Variants in CCSER1 observed in about 807,000 individuals in gnomAD.
CCSER1 encodes coiled-coil serine rich protein 1.
Under a neutral mutation model 82.0 loss-of-function variants are expected in CCSER1, and 41 were observed. That is an observed-to-expected ratio of 0.50 (90% CI 0.39 to 0.65). CCSER1 has a LOEUF of 0.65. CCSER1 is among the 30% of genes least tolerant of loss of function. The probability of loss-of-function intolerance (pLI) is 0.00; values close to 1 mark genes in which losing one functional copy is unlikely to be tolerated. For synonymous variants in CCSER1, 414 were observed against 383.9 expected (o/e 1.08, Z -0.92); for missense variants, 1,119 against 1,064.2 (o/e 1.05, Z -0.72).
chr4:90,545,902 A>C (rs528992933), intron 5 of CCSER1, among the ~76,000 whole-genome samples: 2 of 152,284 alleles, frequency 1.3e-5, no homozygotes, highest in East Asian at 3.9e-4. Context: ...TTCAAAATAC[A>C]CATTATGCCT....
chr4:90,297,808 G>T (rs573303117), intron 1 of CCSER1, among the ~76,000 whole-genome samples: 3 of 151,844 alleles, frequency 2.0e-5, no homozygotes, highest in Admixed American at 2.0e-4. Context: ...ATTGATTTGC[G>T]TATATTGAAC....
intron 5 of CCSER1, among the ~76,000 whole-genome samples, chr4:90,545,229 G>T (rs578040147): frequency 1.2e-4 from 19 of 152,166 alleles, no homozygotes; most frequent in African/African-American, 4.3e-4. Context: ...CATTGGGAAG[G>T]TTTTTTACTT....
intron 6 of CCSER1, among the ~76,000 whole-genome samples, chr4:90,672,358 T>G (rs1732953288): frequency 6.6e-6 from 1 of 152,060 alleles, no homozygotes; most frequent in African/African-American, 2.4e-5. Context: ...TGTTATGGCT[T>G]CTTTCCTTAA....
At chr4:90,211,469 A>G (rs933097895) in intron 1 of CCSER1, among the ~76,000 whole-genome samples, 17 of 152,226 alleles carry the variant, frequency 1.1e-4, no homozygotes, top group Non-Finnish European at 1.8e-4. Context: ...ATATAGGAAA[A>G]GGAGCTACTG....
At chr4:91,006,521 G>C (rs187678731) in intron 9 of CCSER1, among the ~76,000 whole-genome samples, 1 of 146,392 alleles carries the variant, frequency 6.8e-6, no homozygotes, top group Non-Finnish European at 1.5e-5. Context: ...ACGGAGTCTC[G>C]CTCTGTCACC....
At chr4:90,689,958 T>C (rs1367242862) in intron 6 of CCSER1, among the ~76,000 whole-genome samples, 1 of 152,108 alleles carries the variant, frequency 6.6e-6, no homozygotes. Context: ...AGGACATCAG[T>C]ATGCAGGGCA....
chr4:91,012,768 T>TTCTC (rs1739111075), intron 9 of CCSER1, among the ~76,000 whole-genome samples: 1 of 96,208 alleles, frequency 1.0e-5, no homozygotes, highest in South Asian at 3.3e-4. Context: ...TGTTGGCTTA[T>TTCTC]TCTCTCGGGG....
intron 5 of CCSER1, among the ~76,000 whole-genome samples, chr4:90,545,925 C>T (rs1776696042): frequency 6.6e-6 from 1 of 152,056 alleles, no homozygotes; most frequent in Non-Finnish European, 1.5e-5. Flanking sequence ...AAGGCTGTAA[C>T]AAAATCCTGC....
chr4:91,340,805 AG>A (rs1747675484), intron 10 of CCSER1, among the ~76,000 whole-genome samples: 2 of 152,192 alleles, frequency 1.3e-5, no homozygotes, highest in Admixed American at 1.3e-4. Context: ...ATCAATTCAC[AG>A]TGGGCACCAC....
At chr4:90,630,847 A>G (rs1034430529) in intron 6 of CCSER1, among the ~76,000 whole-genome samples, 3 of 149,522 alleles carry the variant, frequency 2.0e-5, no homozygotes, top group African/African-American at 7.3e-5. Flanking sequence ...ATGATGCACA[A>G]TCGTTCAATC....
At chr4:91,073,989 A>G (rs1332906053) in intron 9 of CCSER1, among the ~76,000 whole-genome samples, 1 of 152,270 alleles carries the variant, frequency 6.6e-6, no homozygotes, top group East Asian at 1.9e-4. Context: ...TTCTGTCACT[A>G]ATATGATGCT....
At chr4:90,756,523 C>T (rs552669543) in intron 7 of CCSER1, among the ~76,000 whole-genome samples, 33 of 152,178 alleles carry the variant, frequency 2.2e-4, no homozygotes, top group African/African-American at 7.9e-4. Context: ...GTCTTAGTTT[C>T]TAAGCTCACT....
chr4:90,203,433 G>C (rs1469784842), intron 1 of CCSER1, among the ~76,000 whole-genome samples: 1 of 152,142 alleles, frequency 6.6e-6, no homozygotes, highest in African/African-American at 2.4e-5. Context: ...ACTTATGAGT[G>C]AGAACATGCA....
intron 6 of CCSER1, among the ~76,000 whole-genome samples, chr4:90,721,342 A>G (rs1742640299): frequency 6.6e-6 from 1 of 151,354 alleles, no homozygotes; most frequent in Non-Finnish European, 1.5e-5. Flanking sequence ...TTATGACAGG[A>G]ATGTCTATTG....
intron 10 of CCSER1, among the ~76,000 whole-genome samples, chr4:91,427,946 G>A (rs1176609551): frequency 1.3e-5 from 2 of 151,838 alleles, no homozygotes; most frequent in African/African-American, 4.8e-5. Flanking sequence ...CTTTTATTTA[G>A]CTCCTAATAC....
intron 8 of CCSER1, among the ~76,000 whole-genome samples, chr4:90,894,375 C>A (rs991728487): frequency 1.3e-5 from 2 of 151,934 alleles, no homozygotes; most frequent in African/African-American, 4.8e-5. Context: ...TGATACTATG[C>A]ACATACTTAT....
At position 91,051,420 on chromosome 4, in the gene CCSER1, T is replaced by A. The variant is rs966725555; in HGVS notation, c.2173-34530T>A. On this transcript the variant is annotated intron_variant, in intron 9 of 10. Transcript: ENST00000509176. ...TGGGGATGCTTGAAAAATTCATATA[T>A]TGCTGTTAGAAATGTGAGTTTTCAC... is the stretch of plus-strand genomic sequence containing the variant. Among the ~76,000 whole-genome samples, 62 of 152,140 alleles carry A rather than the reference T, an allele frequency of 4.1e-4. 1 individual carries two copies. Among genetic ancestry groups the A allele is most frequent in the African/African-American group, 1.4e-3 (60 of 41,462 alleles).
chr4:90,347,347 A>G (rs1742550532), intron 3 of CCSER1, among the ~76,000 whole-genome samples: 1 of 151,916 alleles, frequency 6.6e-6, no homozygotes, highest in South Asian at 2.1e-4. Flanking sequence ...CTATCTATCT[A>G]TCTATATACT....
intron 4 of CCSER1, among the ~76,000 whole-genome samples, chr4:90,452,651 A>G (rs367618384): frequency 6.6e-6 from 1 of 152,126 alleles, no homozygotes; most frequent in African/African-American, 2.4e-5. Context: ...ACATCTCCTC[A>G]TTGGGAAGTC....
Sources: allele counts gnomAD v4.1 joint callset (sites outside exome capture counted in the v4.1 genomes callset), GRCh38; gene constraint gnomAD v4.1.1; transcripts MANE v1.5; gene names NCBI Gene and HGNC (gene_info 2026-07-23, HGNC 2026-07-21).